Variants in COPS6 observed in about 807,000 individuals in gnomAD.
The protein encoded by COPS6 is COP9 signalosome complex subunit 6.
Under a neutral mutation model 41.0 loss-of-function variants are expected in COPS6, and 9 were observed. That is an observed-to-expected ratio of 0.22 (90% CI 0.13 to 0.38). The LOEUF (loss-of-function observed/expected upper bound fraction) is 0.38. Ranked by LOEUF, COPS6 falls within the 10% of genes least tolerant of loss-of-function variation. The pLI is 1.00. For synonymous variants in COPS6, 179 were observed against 162.9 expected, an observed-to-expected ratio of 1.10 and a Z score of -0.75; for missense variants, 302 against 436.7, an observed-to-expected ratio of 0.69 and a Z score of 2.75.
At chr7:100,089,241 G>A (rs1795277363) in intron 1 of COPS6, 49 bp from the exon 2 acceptor site, 2 of 1,583,640 alleles carry the variant, frequency 1.3e-6, no homozygotes, top group Non-Finnish European at 1.7e-6. Context: ...CTCCAGGGAA[G>A]AACGTGGGGC....
intron 3 of COPS6, chr7:100,090,049 T>C: frequency 2.3e-6 from 1 of 436,796 alleles, no homozygotes; most frequent in Non-Finnish European, 4.2e-6. Context: ...GAAGGATGGT[T>C]TAAAGAATTA....
Position 100,092,068 on chromosome 7 carries a change from T to A in COPS6, c.*279T>A, listed in dbSNP as rs965850544. On this transcript the variant is annotated 3_prime_UTR_variant, in exon 10 of 10. Coordinates refer to ENST00000303904, the MANE Select transcript of COPS6 (RefSeq NM_006833.5). Reference sequence around the variant, plus strand: ...CCCATGTCAGTCACATGGACTGGTCTTTAGCAAAGTCCAAGGCTGCCTGCT... The same window carrying A: ...CCCATGTCAGTCACATGGACTGGTCATTAGCAAAGTCCAAGGCTGCCTGCT... 1 of 464,598 alleles carries A rather than the reference T, an allele frequency of 2.2e-6. No individual in the cohort carries two copies. Among genetic ancestry groups the A allele is most frequent in the African/African-American group, 2.0e-5 (1 of 51,214 alleles). 28.8% of individuals were successfully genotyped at this position (464,598 alleles called of 1,614,324 possible).
Position 100,089,600 on chromosome 7 carries a change from C to T in COPS6, c.203-15C>T, listed in dbSNP as rs1795283784. On this transcript the variant is annotated splice_polypyrimidine_tract_variant and intron_variant, in intron 2 of 9. Transcript: ENST00000303904. ...TTCTTTACCCTCACCTTTTCCATGT[C>T]ATTCTCTTTCCCAGTGATTGGGGCT... The T allele has an allele frequency of 6.2e-7, 1 of 1,610,438 alleles. No homozygotes were observed. Among genetic ancestry groups the T allele is most frequent in the Admixed American group, 1.7e-5 (1 of 59,346 alleles).
chr7:100,089,394 C>G lies in COPS6; in HGVS notation c.181C>G (p.Gln61Glu). The G allele has an allele frequency of 6.2e-7, 1 of 1,614,124 alleles. No homozygotes were observed. The highest frequency in any genetic ancestry group is 8.5e-7 in the Non-Finnish European group (1 of 1,180,034). ...ISDHWIRMRS[Q>E]EGRPVQVIGA... is the part of the protein sequence containing the mutation. The stretch of plus-strand genomic sequence containing the variant: ...AGACCACTGGATCCGCATGCGCTCC[C>G]AGGAGGGGCGGCCTGTGCAGGGTGA... The change falls in exon 2 of 10, where the codon CAG becomes GAG. Residue 61 changes from glutamine to glutamate, a missense_variant. Around this residue, in one of 3 missense-constraint regions of COPS6, gnomAD observed 76 missense variants for 97.9 expected, o/e 0.78. Transcript: ENST00000303904.
At position 100,091,207 on chromosome 7, in the gene COPS6, T is replaced by C; in HGVS notation, c.650-31T>C. 1.2e-6 allele frequency: 2 copies of C among 1,613,996 alleles called. No homozygotes were observed. Among genetic ancestry groups the C allele is most frequent in the Non-Finnish European group, 1.7e-6 (2 of 1,179,846 alleles). Reference sequence around the variant, plus strand: ...TTGGAAGGTGTGGCCACATCCCGTCTCAACCTCCTCCTGTCCTCATCCCCT... The same window carrying C: ...TTGGAAGGTGTGGCCACATCCCGTCCCAACCTCCTCCTGTCCTCATCCCCT... On this transcript the variant is annotated intron_variant, in intron 7 of 9. Coordinates refer to ENST00000303904, the MANE Select transcript of COPS6 (RefSeq NM_006833.5). This position sits in a 1 kb window ranked among gnomAD's most constrained non-coding sequence, Gnocchi z 4.1.
intron 3 of COPS6, 53 bp from the exon 4 acceptor site, chr7:100,090,346 T>C (rs140986444): frequency 0.041 from 53,984 of 1,312,366 alleles, 1,306 homozygotes; most frequent in South Asian, 0.049. Context: ...AGATTCCGTC[T>C]CAGAAAAAAA....
In COPS6 at chr7:100,089,357, T is replaced by C; in HGVS notation, c.144T>C (p.Ile48=). 1 of 1,613,988 alleles carries C rather than the reference T, an allele frequency of 6.2e-7. No individual in the cohort carries two copies. Among genetic ancestry groups the C allele is most frequent in the Non-Finnish European group, 8.5e-7 (1 of 1,179,982 alleles). ...SVSVALHPLV[I]LNISDHWIRM... ...CCGTCGCTCTCCATCCCCTTGTCAT[T>C]CTCAACATCTCAGACCACTGGATCC... Residue 48 remains isoleucine (I), a synonymous_variant, in exon 2 of 10, where the codon ATT becomes ATC. Coordinates refer to ENST00000303904, the MANE Select transcript of COPS6 (RefSeq NM_006833.5).
Position 100,089,426 on chromosome 7 carries a change from G to A in COPS6, c.202+11G>A, listed in dbSNP as rs201177602. 1.0e-3 allele frequency: 1,684 copies of A among 1,613,974 alleles called. 2 individuals are homozygous for A. Among genetic ancestry groups the A allele is most frequent in the Non-Finnish European group, 1.3e-3 (1,505 of 1,180,020 alleles). ...GGCGGCCTGTGCAGGGTGAGTGTTG[G>A]GCATAGACTCCAGTCTCTTCTCCTT... On this transcript the variant is annotated intron_variant, in intron 2 of 9. Transcript: ENST00000303904.
chr7:100,090,715 C>G (rs1343131241), intron 5 of COPS6, 61 bp downstream of exon 5: 1 of 1,533,674 alleles, frequency 6.5e-7, no homozygotes, highest in East Asian at 2.2e-5. Flanking sequence ...CTGTGTGACA[C>G]TCCTCTATTG....
Position 100,091,580 on chromosome 7 carries a change from T to TG in COPS6, c.843+64dup. On this transcript the variant is annotated intron_variant, in intron 9 of 9. Transcript: ENST00000303904. This position sits in a 1 kb window ranked among gnomAD's most constrained non-coding sequence, Gnocchi z 4.1. ...ATGCTGTCACTTTCACGTGCAGGAC[T>TG]GGGGACTGTTGTTCCCCGGGCATGC... The TG allele has an allele frequency of 1.2e-6, 2 of 1,613,466 alleles. No homozygotes were observed. Among genetic ancestry groups the TG allele is most frequent in the Non-Finnish European group, 1.7e-6 (2 of 1,179,394 alleles).
chr7:100,090,900 A>G lies in COPS6; in HGVS notation c.487-2A>G. ...GTTCAGGTTTCTCCGTCTCCTTCAC[A>G]GCTTCCTGTCAGCGTTTTTGAGTCT... On this transcript the variant is annotated splice_acceptor_variant, in intron 5 of 9. Coordinates refer to ENST00000303904, the MANE Select transcript of COPS6 (RefSeq NM_006833.5). LOFTEE classifies it high-confidence loss of function. 6.2e-7 allele frequency: 1 copy of G among 1,614,210 alleles called. No homozygotes were observed.
chr7:100,090,517 G>T (rs1461844229), intron 4 of COPS6, 30 bp downstream of exon 4: 3 of 1,610,630 alleles, frequency 1.9e-6, no homozygotes, highest in East Asian at 2.2e-5. Flanking sequence ...TGCATGCTGG[G>T]GCAGAGAATG....
At chr7:100,090,305 G>A (rs1584479184) in intron 3 of COPS6, 94 bp from the exon 4 acceptor site, 4 of 870,410 alleles carry the variant, frequency 4.6e-6, no homozygotes, top group Non-Finnish European at 5.5e-6. Flanking sequence ...CTGAGATCAT[G>A]CCACTGCACT....
Position 100,091,602 on chromosome 7 carries a change from A to T in COPS6, c.844-47A>T. On this transcript the variant is annotated intron_variant, in intron 9 of 9. Transcript: ENST00000303904. The surrounding 1 kb of genome is among the most constrained non-coding windows in gnomAD (Gnocchi z 4.1). ...GACTGGGGACTGTTGTTCCCCGGGC[A>T]TGCCACGAGGGATCCCGAGGAACTG... The T allele has an allele frequency of 6.2e-7, 1 of 1,613,946 alleles. No homozygotes were observed. Among genetic ancestry groups the T allele is most frequent in the Admixed American group, 1.7e-5 (1 of 60,012 alleles).
In COPS6 at chr7:100,091,666, G is replaced by T; in HGVS notation, c.861G>T (p.Gly287=). ...TDFYDQCNDV[G]LMAYLGTITK... ...CCTCCCAGCAATGCAACGACGTGGG[G>T]CTCATGGCCTACCTCGGCACCATCA... Residue 287 remains glycine, a synonymous_variant, in exon 10 of 10, where the codon GGG becomes GGT. Coordinates refer to ENST00000303904, the MANE Select transcript of COPS6 (RefSeq NM_006833.5). The surrounding 1 kb of genome is among the most constrained non-coding windows in gnomAD (Gnocchi z 4.1). 2 of 1,614,192 alleles carry T rather than the reference G, an allele frequency of 1.2e-6. No homozygotes were observed. Among genetic ancestry groups the T allele is most frequent in the Non-Finnish European group, 1.7e-6 (2 of 1,180,044 alleles).
rs553248235 is a variant in COPS6 at position 100,089,994 on chromosome 7, G to A, written c.334+248G>A. ...CTAAACTGAGCCAGGATTTGAGGAG[G>A]GAGGAGAGAAGCTGGTGAAAATACA... On this transcript the variant is annotated intron_variant, in intron 3 of 9. Coordinates refer to ENST00000303904, the MANE Select transcript of COPS6 (RefSeq NM_006833.5). 25 of 465,230 alleles carry A rather than the reference G, an allele frequency of 5.4e-5. No individual in the cohort carries two copies. In the East Asian group the frequency reaches 9.9e-4, roughly 18 times the overall value. The allele number at this position is 465,230 out of a possible 1,614,324, so 28.8% of individuals were successfully genotyped here.
intron 1 of COPS6, 63 bp from the exon 2 acceptor site, chr7:100,089,227 C>T: frequency 2.6e-6 from 4 of 1,559,760 alleles, no homozygotes; most frequent in African/African-American, 1.4e-5. Flanking sequence ...TCCCCCACTG[C>T]CATCTCCAGG....
Position 100,091,900 on chromosome 7 carries a change from T to C in COPS6, c.*111T>C. On this transcript the variant is annotated 3_prime_UTR_variant, in exon 10 of 10. Transcript: ENST00000303904. This position sits in a 1 kb window ranked among gnomAD's most constrained non-coding sequence, Gnocchi z 4.1. Reference sequence around the variant, plus strand: ...TCATTAATAAAAGGGGAGCAGCCCCTGAGCACCCCTGCTGGTGGCTCTGTC... The same window carrying C: ...TCATTAATAAAAGGGGAGCAGCCCCCGAGCACCCCTGCTGGTGGCTCTGTC... 3.6e-6 allele frequency: 5 copies of C among 1,385,474 alleles called. No individual in the cohort carries two copies. Among genetic ancestry groups the C allele is most frequent in the Non-Finnish European group, 5.0e-6 (5 of 1,003,364 alleles). 85.8% of individuals were successfully genotyped at this position (1,385,474 alleles called of 1,614,324 possible).
chr7:100,090,755 G>T, intron 5 of COPS6, 101 bp downstream of exon 5: 1 of 1,452,738 alleles, frequency 6.9e-7, no homozygotes, highest in South Asian at 1.1e-5. Context: ...TACCAGCTGT[G>T]ACTCTGGCTT....
Sources: allele counts gnomAD v4.1 joint callset, GRCh38; gene constraint gnomAD v4.1.1; regional missense constraint gnomAD v4.1.1; non-coding constraint Gnocchi (gnomAD v3.1); transcripts MANE v1.5; gene names NCBI Gene and HGNC (gene_info 2026-07-23, HGNC 2026-07-21).